The following CNPY1 variants were observed in gnomAD, a reference collection of about 807,000 sequenced individuals.
CNPY1 encodes protein canopy homolog 1.
A neutral mutation model predicts 14.4 loss-of-function variants in CNPY1; 14 were observed. That is an observed-to-expected ratio of 0.97 (90% confidence interval 0.64 to 1.52). The LOEUF is 1.52. Ranked by LOEUF, CNPY1 falls within the 40% of genes most tolerant of loss-of-function variation. The probability of loss-of-function intolerance (pLI) is 0.00; values close to 1 mark genes in which losing one functional copy is unlikely to be tolerated. For missense variants in CNPY1, 129 were observed against 131.5 expected (o/e 0.98, Z 0.09); for synonymous variants, 43 against 46.5 (o/e 0.92, Z 0.31).
At chr7:155,518,473 C>T (rs1033507645) in intron 2 of CNPY1, 2 of 152,316 alleles carry the variant, frequency 1.3e-5, no homozygotes, top group African/African-American at 4.8e-5. Context: ...TTCTCAGACC[C>T]AAAAGGCACA....
At chr7:155,538,238 G>A (rs79939847) in intron 2 of CNPY1, among the ~76,000 whole-genome samples, 1 of 152,302 alleles carries the variant, frequency 6.6e-6, no homozygotes, top group Non-Finnish European at 1.5e-5. Context: ...AAACAATTTA[G>A]GGGTGATCCC....
Position 155,502,950 on chromosome 7 carries a change from C to G in CNPY1, c.*118G>C, listed in dbSNP as rs1025919014. 5.0e-6 allele frequency: 4 copies of G among 807,548 alleles called. No homozygotes were observed. Among genetic ancestry groups the G allele is most frequent in the African/African-American group, 1.8e-5 (1 of 57,030 alleles). 50.0% of individuals were successfully genotyped at this position (807,548 alleles called of 1,614,324 possible). ...AATGAATCATAAACGGAGACAAACA[C>G]GGTATAAACAAGAGACAAAATTTTT... On this transcript the variant is annotated 3_prime_UTR_variant, in exon 5 of 5. Coordinates refer to ENST00000636446, the MANE Select transcript of CNPY1 (RefSeq NM_001393663.1).
At chr7:155,538,236 T>C (rs1203407295) in intron 2 of CNPY1, among the ~76,000 whole-genome samples, 1 of 152,226 alleles carries the variant, frequency 6.6e-6, no homozygotes, top group African/African-American at 2.4e-5. Flanking sequence ...CAAAACAATT[T>C]AGGGGTGATC....
chr7:155,523,010 C>T (rs921330631), intron 2 of CNPY1, among the ~76,000 whole-genome samples: 15 of 152,312 alleles, frequency 9.8e-5, no homozygotes, highest in Non-Finnish European at 1.8e-4. Context: ...ACACTGCAAT[C>T]CTCTAAACAC....
At chr7:155,543,230 A>G (rs887919093) in intron 2 of CNPY1, among the ~76,000 whole-genome samples, 2 of 150,456 alleles carry the variant, frequency 1.3e-5, no homozygotes, top group African/African-American at 4.9e-5. Context: ...TGGCTTCAAG[A>G]CTCCTCCAGG....
At chr7:155,510,867 GA>G (rs1295671220) in intron 2 of CNPY1, among the ~76,000 whole-genome samples, 2 of 152,250 alleles carry the variant, frequency 1.3e-5, no homozygotes, top group Admixed American at 6.5e-5. Flanking sequence ...TTAATCACTG[GA>G]AAAACTATAA....
At position 155,546,419 on chromosome 7, in the gene CNPY1, A is replaced by G. The variant is rs1482974260; in HGVS notation, c.-15+10T>C. On this transcript the variant is annotated intron_variant, in intron 1 of 4. Transcript: ENST00000636446. ...CCCAGGTAGGTCTTGAACTCAAGCC[A>G]TCCTCCTACCTTGGCCTCCTGAATT... is the stretch of plus-strand genomic sequence containing the variant. The G allele has an allele frequency of 2.8e-5, 11 of 397,734 alleles. No homozygotes were observed. The highest frequency in any genetic ancestry group is 4.1e-5 in the African/African-American group (2 of 48,376). 24.6% of individuals were successfully genotyped at this position (397,734 alleles called of 1,614,324 possible).
intron 2 of CNPY1, among the ~76,000 whole-genome samples, chr7:155,534,879 C>T (rs189594055): frequency 1.6e-4 from 25 of 152,264 alleles, no homozygotes; most frequent in Non-Finnish European, 2.9e-4. Context: ...AGCCTCTGCT[C>T]GGTGTCTGTG....
At chr7:155,544,340 C>T (rs554047199) in intron 2 of CNPY1, among the ~76,000 whole-genome samples, 27 of 152,312 alleles carry the variant, frequency 1.8e-4, no homozygotes, top group Non-Finnish European at 2.4e-4. Context: ...AAGGGCCACC[C>T]GGCTCCTCCC....
chr7:155,521,763 A>G (rs1796729927), intron 2 of CNPY1, among the ~76,000 whole-genome samples: 1 of 152,232 alleles, frequency 6.6e-6, no homozygotes, highest in South Asian at 2.1e-4. Context: ...ACATTTGCGT[A>G]CTGTCCCCAG....
chr7:155,537,446 G>A (rs1054285963), intron 2 of CNPY1, among the ~76,000 whole-genome samples: 20 of 146,226 alleles, frequency 1.4e-4, no homozygotes, highest in African/African-American at 3.8e-4. Flanking sequence ...TTTTTGAGAC[G>A]GAGTTTCGCT....
At chr7:155,522,929 A>G (rs1272414651) in intron 2 of CNPY1, among the ~76,000 whole-genome samples, 1 of 152,194 alleles carries the variant, frequency 6.6e-6, no homozygotes, top group African/African-American at 2.4e-5. Flanking sequence ...AGCACATTAA[A>G]TCCAGCCTCC....
chr7:155,534,525 T>G (rs958321320), intron 2 of CNPY1, among the ~76,000 whole-genome samples: 1 of 152,330 alleles, frequency 6.6e-6, no homozygotes. Flanking sequence ...CCTGATGACG[T>G]CAGGCCTTAG....
intron 3 of CNPY1, among the ~76,000 whole-genome samples, 186 bp from the exon 4 acceptor site, chr7:155,507,302 T>C (rs909223286): frequency 3.3e-5 from 5 of 151,916 alleles, no homozygotes; most frequent in African/African-American, 1.2e-4. Context: ...AGAATGTTAA[T>C]TGCATCATTT....
At chr7:155,527,990 T>G (rs959207339) in intron 2 of CNPY1, among the ~76,000 whole-genome samples, 7 of 152,178 alleles carry the variant, frequency 4.6e-5, no homozygotes, top group Non-Finnish European at 1.0e-4. Context: ...GCTAAATAGA[T>G]GGGCTTATTA....
intron 2 of CNPY1, among the ~76,000 whole-genome samples, chr7:155,517,962 C>T (rs1393191724): frequency 6.6e-6 from 1 of 152,236 alleles, no homozygotes; most frequent in Non-Finnish European, 1.5e-5. Flanking sequence ...ATTTAAGCAG[C>T]ACAGTGATTT....
chr7:155,504,672 G>A (rs1398126611), intron 4 of CNPY1, among the ~76,000 whole-genome samples: 1 of 143,452 alleles, frequency 7.0e-6, no homozygotes, highest in Non-Finnish European at 1.5e-5. Flanking sequence ...TGCTTAATGT[G>A]CAGTTTCATA....
At chr7:155,523,962 C>A (rs73163389) in intron 2 of CNPY1, among the ~76,000 whole-genome samples, 3,313 of 152,174 alleles carry the variant, frequency 0.022, 69 homozygotes, top group Non-Finnish European at 0.032. Flanking sequence ...ATCCCAGGAA[C>A]ACCAAGAGTT....
rs759667594 is a variant in CNPY1, at chr7:155,508,984, CT to C, written c.212del (p.Lys71ArgfsTer28). 1 of 1,613,826 alleles carries C rather than the reference CT, an allele frequency of 6.2e-7. No individual in the cohort carries two copies. The highest frequency in any genetic ancestry group is 1.1e-5 in the South Asian group (1 of 91,048). Reference protein sequence around the residue: ...EDPVTKERTFKRFAPRKGDKI... With the variant: ...EDPVTKERTFXRFAPRKGDKI... ...TGTCTCCTTTCCTAGGAGCGAATCT[CT>C]TGAAAGTTCTCTCCTTCGTCACAGG... On this transcript the variant is annotated frameshift_variant, in exon 3 of 5. Coordinates refer to ENST00000636446, the MANE Select transcript of CNPY1 (RefSeq NM_001393663.1). LOFTEE classifies it high-confidence loss of function.
Sources: gnomAD v4.1 joint callset for allele counts (sites outside exome capture counted in the v4.1 genomes callset) on GRCh38, gnomAD v4.1.1 for gene constraint, MANE v1.5 for transcripts, NCBI Gene and HGNC (gene_info 2026-07-23, HGNC 2026-07-21) for gene names.